CUL4B: variants seen among roughly 807,000 people sequenced by gnomAD.
CUL4B encodes cullin-4B.
Under a neutral mutation model 69.2 loss-of-function variants are expected in CUL4B, and 1 was observed. That is an observed-to-expected ratio of 0.01 (90% CI 0.01 to 0.07). The LOEUF is 0.07. Ranked by LOEUF, CUL4B falls within the 10% of genes least tolerant of loss-of-function variation. CUL4B has a pLI of 1.00. For synonymous variants in CUL4B, 237 were observed against 223.2 expected (o/e 1.06, Z -0.55); for missense variants, 328 against 638.8 (o/e 0.51, Z 5.24).
intron 3 of CUL4B, 92 bp from the exon 4 acceptor site, chrX:120,546,708 T>C (rs189298127): frequency 9.9e-6 from 6 of 604,818 alleles, no homozygotes; most frequent in African/African-American, 4.4e-5. Context: ...CATGAATACC[T>C]TGCACACTAA....
chrX:120,529,010 G>A (rs181713732), intron 19 of CUL4B, among the ~76,000 whole-genome samples: 263 of 111,895 alleles, frequency 2.4e-3, no homozygotes, highest in Non-Finnish European at 4.3e-3. Flanking sequence ...GAAAAGAGGG[G>A]AAGTAGTCTG....
rs190836538 is a variant in CUL4B at position 120,548,201 on chromosome X, G to C, written c.673-962C>G. ...AGGCAGGAGGATCACTTGAGCCCAA[G>C]AGTTCAAGGTTGAAGTGAACCATGA... On this transcript the variant is annotated intron_variant, in intron 2 of 19. Transcript: ENST00000371322. Among the ~76,000 whole-genome samples the C allele has an allele frequency of 3.6e-5, 4 of 111,082 alleles. No individual in the cohort carries two copies. The East Asian group carries it at 8.5e-4, about 24-fold the overall frequency.
chrX:120,527,430 TAGAC>T (rs1197610402), intron 19 of CUL4B, among the ~76,000 whole-genome samples: 5 of 110,381 alleles, frequency 4.5e-5, no homozygotes, highest in Non-Finnish European at 9.5e-5. Flanking sequence ...ATTTTTTTAA[TAGAC>T]AGGGTCTTGC....
intron 18 of CUL4B, 52 bp downstream of exon 18, chrX:120,532,370 T>C: frequency 4.1e-6 from 4 of 967,535 alleles, no homozygotes; most frequent in Non-Finnish European, 5.8e-6. Flanking sequence ...ATTTTGATTA[T>C]TAACATGTAT....
At chrX:120,561,172 G>A, upstream of CUL4B, 2 of 786,541 alleles carry the variant, frequency 2.5e-6, no homozygotes, top group Non-Finnish European at 1.8e-6. Flanking sequence ...CAGCCGCCCG[G>A]GGGGCGGGGG....
At position 120,560,732 on chromosome X, in the gene CUL4B, GAAGGGAAGA is replaced by G; in HGVS notation, c.-103_-95del. 1.0e-6 allele frequency: 1 copy of G among 999,343 alleles called. No individual in the cohort carries two copies. Among genetic ancestry groups the G allele is most frequent in the Non-Finnish European group, 1.3e-6 (1 of 774,754 alleles). 82.4% of individuals were successfully genotyped at this position (999,343 alleles called of 1,213,427 possible). A position where few individuals can be genotyped will look rare whatever the true frequency, so the allele number is the denominator to read the frequency against. On this transcript the variant is annotated 5_prime_UTR_variant, in exon 1 of 20. Coordinates refer to ENST00000371322, the MANE Select transcript of CUL4B (RefSeq NM_001079872.2). ...AGAGAAGGTAGCAATGCTAGAGGGG[GAAGGGAAGA>G]AAGAAGAGAGGAGAAACACAGAGGA...
rs768605871 is a variant in CUL4B, at chrX:120,540,357, C to T, written c.1636+13G>A. 2.5e-6 allele frequency: 3 copies of T among 1,197,614 alleles called. No homozygotes were observed. Among genetic ancestry groups the T allele is most frequent in the Admixed American group, 2.2e-5 (1 of 45,985 alleles). ...CATCATTAAACAACTGGAAAAAGGA[C>T]TGGAAAACATACCTATAAGTTCAGC... On this transcript the variant is annotated intron_variant, in intron 11 of 19. Coordinates refer to ENST00000371322, the MANE Select transcript of CUL4B (RefSeq NM_001079872.2).
At chrX:120,574,343 T>G (rs113536773) in intron 2 of CUL4B, among the ~76,000 whole-genome samples, 62 of 110,533 alleles carry the variant, frequency 5.6e-4, no homozygotes, top group Non-Finnish European at 1.0e-3. Flanking sequence ...CCTGAGTAGC[T>G]GGGACTACAG....
chrX:120,564,382 G>A (rs182400362), upstream of CUL4B, among the ~76,000 whole-genome samples: 7 of 111,802 alleles, frequency 6.3e-5, no homozygotes, highest in Non-Finnish European at 1.1e-4. Flanking sequence ...GAGGCGGGCC[G>A]ATCACCTGAG....
At position 120,543,031 on chromosome X, in the gene CUL4B, T is replaced by G; in HGVS notation, c.1259A>C (p.Lys420Thr). The G allele has an allele frequency of 1.7e-6, 2 of 1,168,159 alleles. No individual in the cohort carries two copies. Among genetic ancestry groups the G allele is most frequent in the Non-Finnish European group, 2.3e-6 (2 of 858,345 alleles). ...LITYLDQTTQKSLIATVEKQL... is the reference protein window; with the variant it reads ...LITYLDQTTQTSLIATVEKQL... Reference sequence around the variant, plus strand: ...TTTTTCTACAGTAGCAATTAATGACTTCCTACAAGGAAAAAAAAAAAGGTT... The same window carrying G: ...TTTTTCTACAGTAGCAATTAATGACGTCCTACAAGGAAAAAAAAAAAGGTT... Residue 420 changes from lysine to threonine, a missense_variant and splice_region_variant, in exon 9 of 20, where the codon AAG becomes ACG. Physicochemically the swap from Lys to Thr is moderately conservative, Grantham distance 78. Transcript: ENST00000371322.
chrX:120,571,435 C>T (rs959598416), exon 3 of CUL4B: 1 of 111,442 alleles, frequency 9.0e-6, no homozygotes, highest in African/African-American at 3.3e-5. Flanking sequence ...TTTAAGCATA[C>T]CTTGTGGATT....
At chrX:120,561,400 A>T (rs1306785045), upstream of CUL4B, 2 of 529,407 alleles carry the variant, frequency 3.8e-6, no homozygotes, top group African/African-American at 4.9e-5. Context: ...CACTTTTCAT[A>T]GCGCCCAGAT....
chrX:120,561,022 G>C, upstream of CUL4B: 1 of 960,103 alleles, frequency 1.0e-6, no homozygotes, highest in Non-Finnish European at 1.3e-6. Context: ...GGCTGTGGTT[G>C]GGGGAAAGGG....
In CUL4B at chrX:120,524,123, G is replaced by A. The variant is rs149574322; in HGVS notation, c.*2638C>T. Among the ~76,000 whole-genome samples, 22 of 111,363 alleles carry A rather than the reference G, an allele frequency of 2.0e-4. No homozygotes were observed. The East Asian group carries it at 5.6e-3, about 29-fold the overall frequency. ...TACACAGCAAAAATTTCAAGAGTAT[G>A]GCTAGACATCATATTAAGACCATTC... On this transcript the variant is annotated 3_prime_UTR_variant, in exon 20 of 20. Transcript: ENST00000371322.
chrX:120,558,963 C>G (rs1400387652), intron 1 of CUL4B, among the ~76,000 whole-genome samples: 2 of 110,965 alleles, frequency 1.8e-5, no homozygotes, highest in Non-Finnish European at 3.8e-5. Flanking sequence ...TCAGAAAGCT[C>G]TACTATTAAA....
intron 2 of CUL4B, among the ~76,000 whole-genome samples, chrX:120,555,651 G>C (rs1412274818): frequency 1.8e-5 from 2 of 110,632 alleles, no homozygotes; most frequent in African/African-American, 6.6e-5. Flanking sequence ...CATCAATAAA[G>C]TGGGGATAGG....
Position 120,560,386 on chromosome X carries a change from G to A in CUL4B, c.253C>T (p.Leu85=), listed in dbSNP as rs771009821. The A allele has an allele frequency of 2.1e-5, 25 of 1,205,987 alleles. No homozygotes were observed. The highest frequency in any genetic ancestry group is 2.5e-5 in the Non-Finnish European group (22 of 892,892). ...SASPSTSSFC[L]GVSVAASSHV... ...CTGGAAGCAGCCACTGAAACCCCCA[G>A]GCAGAAGGACGAGGTTGAAGGGGAT... is the stretch of plus-strand genomic sequence containing the variant. The change falls in exon 1 of 20, where the codon CTG becomes TTG. Residue 85 remains leucine, a synonymous_variant. Transcript: ENST00000371322.
intron 15 of CUL4B, 115 bp downstream of exon 15, chrX:120,536,812 T>TTC: frequency 1.9e-6 from 1 of 536,411 alleles, no homozygotes; most frequent in Admixed American, 2.7e-5. Flanking sequence ...GCCTGAGCAA[T>TTC]ACAGCGAGAC....
At chrX:120,566,360 T>TAC (rs1925527757), upstream of CUL4B, among the ~76,000 whole-genome samples, 6 of 53,251 alleles carry the variant, frequency 1.1e-4, no homozygotes, top group Non-Finnish European at 2.3e-4. Flanking sequence ...TATATATATA[T>TAC]ATATATATAT....
Sources: gnomAD v4.1 joint callset for allele counts (sites outside exome capture counted in the v4.1 genomes callset) on GRCh38, gnomAD v4.1.1 for gene constraint, MANE v1.5 for transcripts, NCBI Gene and HGNC (gene_info 2026-07-23, HGNC 2026-07-21) for gene names.